The following ANGPTL2 variants were observed in gnomAD, a reference collection of about 807,000 sequenced individuals.
ANGPTL2 encodes the protein angiopoietin-related protein 2.
In ANGPTL2, 25 loss-of-function variants were observed where a neutral mutation model predicts 52.8. The ratio of observed to expected loss-of-function variants is 0.47; its 90% CI spans 0.35 to 0.66. The LOEUF (loss-of-function observed/expected upper bound fraction) is 0.66, where lower values mean the gene tolerates loss of function less well. Ranked by LOEUF, ANGPTL2 falls within the 30% of genes least tolerant of loss-of-function variation. The pLI is 0.01. For missense variants in ANGPTL2, 546 were observed against 656.9 expected (o/e 0.83, Z 1.84); for synonymous variants, 276 against 277.4 (o/e 1.00, Z 0.05).
At chr9:127,094,022 C>T in intron 2 of ANGPTL2, 96 bp from the exon 3 acceptor site, 1 of 1,412,564 alleles carries the variant, frequency 7.1e-7, no homozygotes, top group Non-Finnish European at 9.6e-7. Flanking sequence ...TGTTGAGGCT[C>T]CAGCTGGGAG....
intron 1 of ANGPTL2, among the ~76,000 whole-genome samples, chr9:127,120,153 A>G (rs1403174442): frequency 2.0e-5 from 3 of 152,168 alleles, no homozygotes; most frequent in African/African-American, 7.2e-5. Context: ...CTCCGGGGCA[A>G]ACCTGACTAT....
intron 1 of ANGPTL2, among the ~76,000 whole-genome samples, chr9:127,112,293 C>G (rs993667701): frequency 6.6e-6 from 1 of 152,206 alleles, no homozygotes; most frequent in Non-Finnish European, 1.5e-5. Context: ...TTTGGCTGCC[C>G]CTGTGCTAGT....
intron 2 of ANGPTL2, among the ~76,000 whole-genome samples, chr9:127,101,858 A>G (rs1329054380): frequency 6.6e-6 from 1 of 152,216 alleles, no homozygotes; most frequent in East Asian, 1.9e-4. Context: ...CTCTGTGTGT[A>G]TAGTAGTTTT....
At chr9:127,102,719 A>T (rs932857574) in intron 2 of ANGPTL2, among the ~76,000 whole-genome samples, 4 of 152,198 alleles carry the variant, frequency 2.6e-5, no homozygotes, top group African/African-American at 9.7e-5. Context: ...GCAATAAGGG[A>T]GCTGGCCCTC....
At chr9:127,101,942 A>T (rs2053773769) in intron 2 of ANGPTL2, among the ~76,000 whole-genome samples, 1 of 152,182 alleles carries the variant, frequency 6.6e-6, no homozygotes, top group Non-Finnish European at 1.5e-5. Context: ...TAAATACTCC[A>T]GGCCCTGTAG....
At chr9:127,103,524 A>C (rs2053932504) in intron 2 of ANGPTL2, among the ~76,000 whole-genome samples, 2 of 152,236 alleles carry the variant, frequency 1.3e-5, no homozygotes, top group African/African-American at 4.8e-5. Flanking sequence ...ACCCCAGAGG[A>C]TATGTCCAGA....
At chr9:127,116,381 G>A (rs1395478319) in intron 1 of ANGPTL2, among the ~76,000 whole-genome samples, 1 of 152,172 alleles carries the variant, frequency 6.6e-6, no homozygotes, top group Non-Finnish European at 1.5e-5. Context: ...CAAGGACACT[G>A]CTGTTACTTT....
intron 2 of ANGPTL2, among the ~76,000 whole-genome samples, chr9:127,096,013 G>A (rs2053091357): frequency 6.6e-6 from 1 of 152,130 alleles, no homozygotes; most frequent in African/African-American, 2.4e-5. Context: ...GGGGAGGAAG[G>A]ATCTTCTCAC....
Position 127,108,526 on chromosome 9 carries a change from A to T in ANGPTL2, c.206T>A (p.Ile69Asn), listed in dbSNP as rs756256509. 1.9e-6 allele frequency: 3 copies of T among 1,612,940 alleles called. No individual in the cohort carries two copies. The highest frequency in any genetic ancestry group is 1.7e-5 in the Admixed American group (1 of 59,942). ...IVPQQRVTGA[I>N]CVNSKEPEVL... ...CTCAGGCTCCTTGGAGTTGACGCAG[A>T]TGGCACCCGTGACCCGCTGCTGGGG... Residue 69 changes from isoleucine (I) to asparagine (N), a missense_variant, in exon 2 of 5, where the codon ATC becomes AAC. Physicochemically the swap from Ile to Asn is moderately radical, Grantham distance 149 (BLOSUM62 -3). Transcript: ENST00000373425.
At position 127,108,596 on chromosome 9, in the gene ANGPTL2, G is replaced by T. The variant is rs758697631; in HGVS notation, c.136C>A (p.Arg46=). Reference sequence around the variant, plus strand: ...CACTTGTCCTGGGACTCGCCCGCCCGCTTGTACCTGTTTAGGTAAATGAAC... The same window carrying T: ...CACTTGTCCTGGGACTCGCCCGCCCTCTTGTACCTGTTTAGGTAAATGAAC... ...REFIYLNRYK[R]AGESQDKCTY... is the part of the protein sequence containing the mutation. Residue 46 remains arginine, a synonymous_variant, in exon 2 of 5, where the codon CGG becomes AGG. Coordinates refer to ENST00000373425, the MANE Select transcript of ANGPTL2 (RefSeq NM_012098.3). 9 of 1,613,516 alleles carry T rather than the reference G, an allele frequency of 5.6e-6. No individual in the cohort carries two copies. The highest frequency in any genetic ancestry group is 1.3e-5 in the African/African-American group (1 of 74,832).
chr9:127,119,882 A>C (rs2055861845), intron 1 of ANGPTL2, among the ~76,000 whole-genome samples: 1 of 152,234 alleles, frequency 6.6e-6, no homozygotes, highest in African/African-American at 2.4e-5. Flanking sequence ...ACAGTGAGCC[A>C]CCATGGTTCC....
At chr9:127,112,842 T>G (rs144953927) in intron 1 of ANGPTL2, among the ~76,000 whole-genome samples, 31 of 152,392 alleles carry the variant, frequency 2.0e-4, no homozygotes, top group Admixed American at 1.1e-3. Flanking sequence ...CCTTGACTAA[T>G]GCTTGCACAG....
At chr9:127,100,465 G>A (rs377319501) in intron 2 of ANGPTL2, among the ~76,000 whole-genome samples, 2 of 152,154 alleles carry the variant, frequency 1.3e-5, no homozygotes, top group Admixed American at 1.3e-4. Context: ...AGCGCTGTTG[G>A]GCAGGAGGAG....
intron 1 of ANGPTL2, among the ~76,000 whole-genome samples, chr9:127,109,206 T>G (rs1554829909): frequency 6.6e-6 from 1 of 152,208 alleles, no homozygotes; most frequent in Non-Finnish European, 1.5e-5. Flanking sequence ...CTCCCTATTC[T>G]ATACTTTCAC....
At chr9:127,099,685 G>GTA in intron 2 of ANGPTL2, among the ~76,000 whole-genome samples, 1 of 152,324 alleles carries the variant, frequency 6.6e-6, no homozygotes, top group South Asian at 2.1e-4. Context: ...GGTTATGGAT[G>GTA]TATATATATT....
chr9:127,095,159 G>A (rs2136554188), intron 2 of ANGPTL2, among the ~76,000 whole-genome samples: 1 of 152,362 alleles, frequency 6.6e-6, no homozygotes, highest in African/African-American at 2.4e-5. Context: ...AGCACTTTGG[G>A]AGGCTGAGGC....
chr9:127,116,228 G>A (rs897826380), intron 1 of ANGPTL2, among the ~76,000 whole-genome samples: 11 of 152,046 alleles, frequency 7.2e-5, no homozygotes, highest in Non-Finnish European at 1.6e-4. Context: ...CTGATGCTTT[G>A]GGCTCTTGTG....
Position 127,091,950 on chromosome 9 carries a change from A to T in ANGPTL2, c.1012-10T>A, listed in dbSNP as rs773449807. The T allele has an allele frequency of 1.2e-6, 2 of 1,612,554 alleles. No individual in the cohort carries two copies. Among genetic ancestry groups the T allele is most frequent in the Middle Eastern group, 1.6e-4 (1 of 6,064 alleles). ...TGTTCCCAAACCCTTGCTGGGGAAA[A>T]CCCAGGAGAGTGTTAATGTGGAGCC... is the stretch of plus-strand genomic sequence containing the variant. On this transcript the variant is annotated splice_polypyrimidine_tract_variant and intron_variant, in intron 3 of 4. Coordinates refer to ENST00000373425, the MANE Select transcript of ANGPTL2 (RefSeq NM_012098.3). This position sits in a 1 kb window ranked among gnomAD's most constrained non-coding sequence, Gnocchi z 4.3.
rs1484047012 is a variant in ANGPTL2, at chr9:127,093,897, C to T, written c.847G>A (p.Glu283Lys). ...GPWRDCLQAL[E>K]DGHDTSSIYL... The stretch of plus-strand genomic sequence containing the variant: ...ATGGAGCTGGTGTCGTGGCCATCCT[C>T]CAGGGCCTGCAGGCAGTCTCTCCAT... Residue 283 changes from glutamate (E) to lysine (K), a missense_variant, in exon 3 of 5, where the codon GAG becomes AAG. Glu to Lys is a moderately conservative substitution (Grantham distance 56). Transcript: ENST00000373425. 3 of 1,613,902 alleles carry T rather than the reference C, an allele frequency of 1.9e-6. No homozygotes were observed. The highest frequency in any genetic ancestry group is 1.3e-5 in the African/African-American group (1 of 74,888).
Sources: allele counts gnomAD v4.1 joint callset (sites outside exome capture counted in the v4.1 genomes callset), GRCh38; gene constraint gnomAD v4.1.1; non-coding constraint Gnocchi (gnomAD v3.1); transcripts MANE v1.5; gene names NCBI Gene and HGNC (gene_info 2026-07-23, HGNC 2026-07-21).